The following ST6GAL2 variants were observed in gnomAD, a reference collection of about 807,000 sequenced individuals.
ST6GAL2 encodes beta-galactoside alpha-2,6-sialyltransferase 2.
In ST6GAL2, 24 loss-of-function variants were observed where a neutral mutation model predicts 37.5. The ratio of observed to expected loss-of-function variants is 0.64; its 90% CI spans 0.46 to 0.90. ST6GAL2 has a LOEUF of 0.90. ST6GAL2 is among the 40% of genes least tolerant of loss of function. ST6GAL2 has a pLI of 0.00. For missense variants in ST6GAL2, 715 were observed against 712.7 expected (o/e 1.00, Z -0.04); for synonymous variants, 306 against 295.1 (o/e 1.04, Z -0.38).
rs766447251 is a variant in ST6GAL2, at chr2:106,830,229, T to C, written c.1155A>G (p.Lys385=). The C allele has an allele frequency of 1.2e-6, 2 of 1,608,882 alleles. No homozygotes were observed. The highest frequency in any genetic ancestry group is 1.7e-6 in the Non-Finnish European group (2 of 1,178,132). ...YSANLNLWYK[K]PDYNLFTPYI... The stretch of plus-strand genomic sequence containing the variant: ...ATGGAGTGAACAGGTTGTAATCCGG[T>C]TTTTTGTACCACTAAGGAAAAAAAA... The change falls in exon 5 of 6, where the codon AAA becomes AAG. Residue 385 remains lysine, a synonymous_variant. Transcript: ENST00000409382.
intron 1 of ST6GAL2, among the ~76,000 whole-genome samples, chr2:106,878,711 C>T (rs11680026): frequency 1.3e-5 from 2 of 152,130 alleles, no homozygotes; most frequent in Non-Finnish European, 2.9e-5. Flanking sequence ...GAGAATCTGC[C>T]TAGGTTATGC....
intron 5 of ST6GAL2, among the ~76,000 whole-genome samples, chr2:106,819,270 T>C (rs535784371): frequency 1.3e-5 from 2 of 151,788 alleles, no homozygotes; most frequent in South Asian, 2.1e-4. Flanking sequence ...CAGATTTAAC[T>C]TGAAAAAGAA....
intron 1 of ST6GAL2, among the ~76,000 whole-genome samples, chr2:106,857,838 A>T (rs566351774): frequency 2.6e-5 from 4 of 152,204 alleles, no homozygotes; most frequent in Admixed American, 2.6e-4. Context: ...GTGGGGTGAC[A>T]CTCAAGAACA....
rs753008259 is a variant in ST6GAL2, at chr2:106,843,331, A to C, written c.647T>G (p.Met216Arg). ...CGCCTTCTGCAGGCGCGGGTTCAGC[A>C]TTTTGGAAGAGACGTTCCCCTTCCA... is the stretch of plus-strand genomic sequence containing the variant. The part of the protein sequence containing the change: ...RLWKGNVSSK[M>R]LNPRLQKAMK... Residue 216 changes from methionine (M) to arginine (R), a missense_variant, in exon 2 of 6, where the codon ATG (methionine) becomes AGG (arginine). Transcript: ENST00000409382. 1 of 1,614,030 alleles carries C rather than the reference A, an allele frequency of 6.2e-7. No homozygotes were observed. The highest frequency in any genetic ancestry group is 8.5e-7 in the Non-Finnish European group (1 of 1,179,994).
chr2:106,832,577 T>C lies in ST6GAL2; in HGVS notation c.1131A>G (p.Ala377=). Residue 377 remains alanine (A), a synonymous_variant, in exon 4 of 6, where the codon GCA becomes GCG. Transcript: ENST00000409382. ...LVAWDPAPYS[A]NLNLWYKKPD... ...GGGAAACACTTACCAGGTTAAGATT[T>C]GCGGAATATGGGGCAGGGTCCCAGG... is the stretch of plus-strand genomic sequence containing the variant. 1 of 1,580,060 alleles carries C rather than the reference T, an allele frequency of 6.3e-7. No individual in the cohort carries two copies. The highest frequency in any genetic ancestry group is 8.6e-7 in the Non-Finnish European group (1 of 1,162,916).
At position 106,843,788 on chromosome 2, in the gene ST6GAL2, C is replaced by A. The variant is rs762960856; in HGVS notation, c.190G>T (p.Ala64Ser). The change falls in exon 2 of 6, where the codon GCC becomes TCC. Residue 64 changes from alanine (A) to serine (S), a missense_variant. This residue lies in a region of ST6GAL2 where 512 missense variants were observed against 488.8 expected (regional missense o/e 1.05). Transcript: ENST00000409382. The part of the protein sequence containing the change: ...VQGKQRAIMG[A>S]AHEPSPPGGL... Reference sequence around the variant, plus strand: ...CCAGGCGGGGAGGGCTCATGTGCGGCGCCCATGATGGCCCGCTGCTTCCCC... The same window carrying A: ...CCAGGCGGGGAGGGCTCATGTGCGGAGCCCATGATGGCCCGCTGCTTCCCC... 8 of 1,610,320 alleles carry A rather than the reference C, an allele frequency of 5.0e-6. No homozygotes were observed. The highest frequency in any genetic ancestry group is 1.3e-5 in the African/African-American group (1 of 74,848).
intron 2 of ST6GAL2, among the ~76,000 whole-genome samples, chr2:106,838,703 A>G (rs1472049778): frequency 6.6e-6 from 1 of 152,160 alleles, no homozygotes; most frequent in African/African-American, 2.4e-5. Context: ...AAAGTTATCT[A>G]TCACTTAGGG....
rs140628305 is a variant in ST6GAL2 at position 106,852,414 on chromosome 2, A to G, written c.-57-8380T>C. Among the ~76,000 whole-genome samples, 99 of 152,340 alleles carry G rather than the reference A, an allele frequency of 6.5e-4. 1 individual carries two copies. Among genetic ancestry groups the G allele is most frequent in the African/African-American group, 2.2e-3 (92 of 41,584 alleles). ...CCCAGTGACCTCGCTTGGTTGAGGC[A>G]TAAGTTTAAAACACTGGCGGCTGGG... is the stretch of plus-strand genomic sequence containing the variant. On this transcript the variant is annotated intron_variant, in intron 1 of 5. Transcript: ENST00000409382.
chr2:106,865,051 T>C (rs1390576597), intron 1 of ST6GAL2, among the ~76,000 whole-genome samples: 1 of 152,200 alleles, frequency 6.6e-6, no homozygotes, highest in Non-Finnish European at 1.5e-5. Flanking sequence ...TGGGATGCGA[T>C]GTGCAAGAGC....
chr2:106,878,488 G>A (rs372268220), intron 1 of ST6GAL2, among the ~76,000 whole-genome samples: 5 of 152,122 alleles, frequency 3.3e-5, no homozygotes, highest in South Asian at 4.2e-4. Flanking sequence ...CAGGCTGAGC[G>A]TGGTGGCATG....
chr2:106,834,503 A>C, intron 2 of ST6GAL2: 1 of 170,136 alleles, frequency 5.9e-6, no homozygotes, highest in Non-Finnish European at 1.2e-5. Flanking sequence ...GTACTGGAGC[A>C]GATAAAGACA....
chr2:106,855,430 G>C (rs1300490400), intron 1 of ST6GAL2, among the ~76,000 whole-genome samples: 1 of 152,156 alleles, frequency 6.6e-6, no homozygotes, highest in Non-Finnish European at 1.5e-5. Flanking sequence ...ACAGTTGAGA[G>C]AACAATAGAG....
chr2:106,834,433 C>G (rs947098407), intron 2 of ST6GAL2: 1 of 283,636 alleles, frequency 3.5e-6, no homozygotes, highest in Non-Finnish European at 6.6e-6. Flanking sequence ...AACATTCTTA[C>G]AAGTGACATG....
intron 5 of ST6GAL2, among the ~76,000 whole-genome samples, chr2:106,829,447 A>G (rs1268401165): frequency 6.6e-6 from 1 of 152,240 alleles, no homozygotes. Flanking sequence ...ATGTGCAGGC[A>G]CATGGTCAAC....
chr2:106,811,738 A>G lies in ST6GAL2; in HGVS notation c.1319-4789T>C, dbSNP rs951005934. Among the ~76,000 whole-genome samples, 6 of 152,232 alleles carry G rather than the reference A, an allele frequency of 3.9e-5. 1 individual carries two copies. The highest frequency in any genetic ancestry group is 8.8e-5 in the Non-Finnish European group (6 of 68,012). ...ACTACCAACAGCACACAGCTCTCAA[A>G]TGAACTCTGAGTCACCACCATTAAG... On this transcript the variant is annotated intron_variant, in intron 5 of 5. Transcript: ENST00000409382.
chr2:106,854,364 T>TAA (rs1283915704), intron 1 of ST6GAL2, among the ~76,000 whole-genome samples: 2 of 152,192 alleles, frequency 1.3e-5, no homozygotes. Flanking sequence ...GATGAATGAA[T>TAA]AAAGTAATGT....
At position 106,834,056 on chromosome 2, in the gene ST6GAL2, T is replaced by G; in HGVS notation, c.1034A>C (p.Asn345Thr). Residue 345 changes from asparagine (N) to threonine (T), a missense_variant, in exon 3 of 6, where the codon AAT becomes ACT. By Grantham distance (65) the Asn-to-Thr change is moderately conservative. Transcript: ENST00000409382. ...VGNKTTIRIINSQILTNPSHH... is the reference protein window; with the variant it reads ...VGNKTTIRIITSQILTNPSHH... ...ACACTCCATCTGTCTTACCTGCGAA[T>G]TAATGATGCGTATGGTGGTTTTATT... 6.2e-7 allele frequency: 1 copy of G among 1,611,740 alleles called. No individual in the cohort carries two copies. Among genetic ancestry groups the G allele is most frequent in the South Asian group, 1.1e-5 (1 of 90,974 alleles).
intron 1 of ST6GAL2, among the ~76,000 whole-genome samples, chr2:106,851,554 G>A (rs1677358774): frequency 6.6e-6 from 1 of 152,122 alleles, no homozygotes; most frequent in South Asian, 2.1e-4. Flanking sequence ...TTCTTATTTT[G>A]TTCAAGGGCA....
intron 3 of ST6GAL2, among the ~76,000 whole-genome samples, chr2:106,833,761 A>G (rs892744631): frequency 1.3e-5 from 2 of 152,160 alleles, no homozygotes; most frequent in African/African-American, 4.8e-5. Context: ...AGTTCACAAA[A>G]TGCAACATGC....
Sources: allele counts gnomAD v4.1 joint callset (sites outside exome capture counted in the v4.1 genomes callset), GRCh38; gene constraint gnomAD v4.1.1; regional missense constraint gnomAD v4.1.1; transcripts MANE v1.5; gene names NCBI Gene and HGNC (gene_info 2026-07-23, HGNC 2026-07-21).